GPBP1: variants seen among roughly 807,000 people sequenced by gnomAD.
GPBP1 encodes the protein GC-rich promoter binding protein 1, also known as vasculin.
In GPBP1, 13 loss-of-function variants were observed where a neutral mutation model predicts 56.5. The ratio of observed to expected loss-of-function variants is 0.23; its 90% confidence interval spans 0.15 to 0.37. The LOEUF (loss-of-function observed/expected upper bound fraction) is 0.37. Ranked by LOEUF, GPBP1 falls within the 10% of genes least tolerant of loss-of-function variation. The probability of loss-of-function intolerance (pLI) is 1.00; values close to 1 mark genes in which losing one functional copy is unlikely to be tolerated. For missense variants in GPBP1, 477 were observed against 572.3 expected (o/e 0.83, Z 1.70); for synonymous variants, 204 against 188.9 (o/e 1.08, Z -0.66).
At chr5:57,227,817 C>T (rs570944995) in intron 3 of GPBP1, among the ~76,000 whole-genome samples, 1 of 152,264 alleles carries the variant, frequency 6.6e-6, no homozygotes, top group South Asian at 2.1e-4. Flanking sequence ...TTAGCTTGCA[C>T]AGATGGTAAC....
intron 2 of GPBP1, among the ~76,000 whole-genome samples, chr5:57,185,156 C>G (rs1754228070): frequency 6.6e-6 from 1 of 152,108 alleles, no homozygotes; most frequent in South Asian, 2.1e-4. Context: ...AGCAGAACTG[C>G]CCGGGTCATG....
At position 57,176,072 on chromosome 5, in the gene GPBP1, A is replaced by G. The variant is rs1753779465; in HGVS notation, c.-386A>G. 2 of 398,212 alleles carry G rather than the reference A, an allele frequency of 5.0e-6. No homozygotes were observed. The highest frequency in any genetic ancestry group is 8.9e-6 in the Non-Finnish European group (2 of 225,980). 24.7% of individuals were successfully genotyped at this position (398,212 alleles called of 1,614,324 possible). On this transcript the variant is annotated 5_prime_UTR_variant, in exon 2 of 12. Transcript: ENST00000506184. ...TTTAGGAATGCTCTTCAGATGTGAA[A>G]TTTTCTTTTTGTTTTTGCTTTTTGG... is the stretch of plus-strand genomic sequence containing the variant.
chr5:57,260,120 T>C (rs2111976282), intron 10 of GPBP1, among the ~76,000 whole-genome samples: 1 of 152,316 alleles, frequency 6.6e-6, no homozygotes, highest in Admixed American at 6.5e-5. Context: ...GAGTGGAAAT[T>C]ATTCAACTTT....
chr5:57,180,625 C>T (rs149515415), intron 2 of GPBP1, among the ~76,000 whole-genome samples: 3 of 152,212 alleles, frequency 2.0e-5, no homozygotes, highest in East Asian at 3.9e-4. Context: ...AGAAAAATGC[C>T]TGTGTGACTG....
intron 2 of GPBP1, among the ~76,000 whole-genome samples, chr5:57,204,758 T>C (rs775631259): frequency 3.5e-4 from 53 of 152,320 alleles, no homozygotes; most frequent in Non-Finnish European, 4.3e-4. Flanking sequence ...TTGTTCACTT[T>C]AATTTGTTGA....
chr5:57,262,877 G>A lies in GPBP1; in HGVS notation c.*125G>A. ...ACCCCATTAGAAGAGGATTTTTTGG[G>A]GGACTTCAATATGAAGAAAACCAAG... On this transcript the variant is annotated 3_prime_UTR_variant, in exon 12 of 12. Coordinates refer to ENST00000506184, the MANE Select transcript of GPBP1 (RefSeq NM_022913.4). 2 of 782,538 alleles carry A rather than the reference G, an allele frequency of 2.6e-6. No individual in the cohort carries two copies. Among genetic ancestry groups the A allele is most frequent in the South Asian group, 3.9e-5 (2 of 50,722 alleles). The allele number at this position is 782,538 out of a possible 1,614,324, so 48.5% of individuals were successfully genotyped here.
chr5:57,251,711 T>G (rs1040252626), intron 10 of GPBP1, among the ~76,000 whole-genome samples: 1 of 152,150 alleles, frequency 6.6e-6, no homozygotes, highest in African/African-American at 2.4e-5. Context: ...ACCTAGGAGT[T>G]GAATTGCTGG....
chr5:57,214,003 C>T (rs1755602815), intron 2 of GPBP1, 71 bp from the exon 3 acceptor site: 8 of 690,928 alleles, frequency 1.2e-5, no homozygotes, highest in Non-Finnish European at 2.1e-5. Flanking sequence ...GTAGTAAGAT[C>T]ATTGTAATAT....
intron 2 of GPBP1, among the ~76,000 whole-genome samples, chr5:57,202,533 C>T (rs894315507): frequency 3.9e-5 from 6 of 152,100 alleles, no homozygotes; most frequent in Non-Finnish European, 5.9e-5. Context: ...CAGTGATCAG[C>T]CTGTTTCAGC....
At chr5:57,184,253 T>G (rs1754189679) in intron 2 of GPBP1, among the ~76,000 whole-genome samples, 1 of 151,978 alleles carries the variant, frequency 6.6e-6, no homozygotes, top group Non-Finnish European at 1.5e-5. Context: ...AAATTAGGTT[T>G]ATTGGGGTGT....
In GPBP1 at chr5:57,230,932, A is replaced by G. The variant is rs1756428123; in HGVS notation, c.150A>G (p.Ser50=). 1.2e-6 allele frequency: 2 copies of G among 1,612,252 alleles called. No individual in the cohort carries two copies. The highest frequency in any genetic ancestry group is 2.7e-5 in the African/African-American group (2 of 75,028). The change falls in exon 4 of 12, where the codon TCA becomes TCG. Residue 50 remains serine, a synonymous_variant. Coordinates refer to ENST00000506184, the MANE Select transcript of GPBP1 (RefSeq NM_022913.4). ...TGAACCGTCGACGACACAACTCTTC[A>G]GATGGCTTTGATTCTGCTATTGGGC... ...YDVNRRRHNS[S]DGFDSAIGRP...
intron 9 of GPBP1, among the ~76,000 whole-genome samples, chr5:57,250,035 G>GCAT (rs1212972672): frequency 1.0e-5 from 1 of 98,530 alleles, no homozygotes; most frequent in Admixed American, 1.2e-4. Context: ...GAGTGTAAGG[G>GCAT]CATCATCTTG....
intron 2 of GPBP1, among the ~76,000 whole-genome samples, chr5:57,190,965 G>A (rs1006082537): frequency 2.0e-5 from 3 of 151,970 alleles, no homozygotes; most frequent in Non-Finnish European, 2.9e-5. Flanking sequence ...AAAACATGTT[G>A]TCTTGAACTC....
At chr5:57,224,183 A>G (rs1419731135) in intron 3 of GPBP1, among the ~76,000 whole-genome samples, 4 of 150,986 alleles carry the variant, frequency 2.6e-5, no homozygotes, top group Non-Finnish European at 1.5e-5. Flanking sequence ...GTCTCAGACT[A>G]TGGCCCAGGC....
chr5:57,223,720 A>G lies in GPBP1; in HGVS notation c.64-7126A>G, dbSNP rs549566434. 2.0e-5 allele frequency among the ~76,000 whole-genome samples: 3 copies of G among 151,458 alleles called. No individual in the cohort carries two copies. The South Asian group carries it at 6.2e-4, about 31-fold the overall frequency. ...ATAGTCGCTTCTGGGTATAATTGGT[A>G]TAAAAGAAATGAGAAATTGTGAGAA... is the stretch of plus-strand genomic sequence containing the variant. On this transcript the variant is annotated intron_variant, in intron 3 of 11. Coordinates refer to ENST00000506184, the MANE Select transcript of GPBP1 (RefSeq NM_022913.4).
chr5:57,217,326 A>T (rs1755739973), intron 3 of GPBP1, among the ~76,000 whole-genome samples: 1 of 152,138 alleles, frequency 6.6e-6, no homozygotes, highest in African/African-American at 2.4e-5. Flanking sequence ...TAATCCCAGC[A>T]CTTTGGGAGG....
At chr5:57,189,901 G>C (rs764200420) in intron 2 of GPBP1, among the ~76,000 whole-genome samples, 1 of 152,054 alleles carries the variant, frequency 6.6e-6, no homozygotes, top group Non-Finnish European at 1.5e-5. Context: ...CTCAATTTTA[G>C]CTCAAACCTA....
intron 10 of GPBP1, among the ~76,000 whole-genome samples, chr5:57,253,282 A>G (rs1741477547): frequency 6.6e-6 from 1 of 152,202 alleles, no homozygotes; most frequent in African/African-American, 2.4e-5. Context: ...AGATTATCAT[A>G]TTATTATTCT....
At chr5:57,256,902 T>C (rs983803374) in intron 10 of GPBP1, among the ~76,000 whole-genome samples, 8 of 152,222 alleles carry the variant, frequency 5.3e-5, no homozygotes, top group Non-Finnish European at 8.8e-5. Context: ...GGGGTTTTTT[T>C]CCCTGTCAAA....
Sources: allele counts gnomAD v4.1 joint callset (sites outside exome capture counted in the v4.1 genomes callset), GRCh38; gene constraint gnomAD v4.1.1; transcripts MANE v1.5; gene names NCBI Gene and HGNC (gene_info 2026-07-23, HGNC 2026-07-21).